The following HMGCS2 variants were observed in gnomAD, a reference collection of about 807,000 sequenced individuals.
The protein encoded by HMGCS2 is 3-hydroxy-3-methylglutaryl-CoA synthase 2.
Under a neutral mutation model 57.4 loss-of-function variants are expected in HMGCS2, and 50 were observed. The observed-to-expected ratio is 0.87, with a 90% CI of 0.69 to 1.10. The LOEUF (loss-of-function observed/expected upper bound fraction) is 1.10, where lower values mean the gene tolerates loss of function less well. HMGCS2 is among the 50% of genes least tolerant of loss of function. The probability of loss-of-function intolerance (pLI) is 0.00; values close to 1 mark genes in which losing one functional copy is unlikely to be tolerated. For synonymous variants in HMGCS2, 254 were observed against 245.1 expected, an observed-to-expected ratio of 1.04 and a Z score of -0.34; for missense variants, 627 against 636.5, an observed-to-expected ratio of 0.99 and a Z score of 0.16.
At chr1:119,762,402 G>A (rs1285885305) in intron 2 of HMGCS2, among the ~76,000 whole-genome samples, 3 of 151,862 alleles carry the variant, frequency 2.0e-5, no homozygotes, top group Non-Finnish European at 4.4e-5. Flanking sequence ...ATACTTTTGT[G>A]TATGTGTATG....
chr1:119,757,540 G>A, intron 4 of HMGCS2, 102 bp from the exon 5 acceptor site: 3 of 1,584,524 alleles, frequency 1.9e-6, no homozygotes, highest in Admixed American at 1.8e-5. Context: ...GGCCTCCCAG[G>A]GAACTACTTC....
chr1:119,756,081 T>C (rs1652830775), intron 5 of HMGCS2, among the ~76,000 whole-genome samples: 1 of 152,060 alleles, frequency 6.6e-6, no homozygotes, highest in Non-Finnish European at 1.5e-5. Context: ...AGCCCAAAGT[T>C]TGCACATCTT....
intron 1 of HMGCS2, among the ~76,000 whole-genome samples, chr1:119,768,207 GAA>G (rs2101282072): frequency 6.6e-6 from 1 of 152,298 alleles, no homozygotes; most frequent in Non-Finnish European, 1.5e-5. Context: ...TATTTACAAA[GAA>G]AAGGAGTGTG....
chr1:119,759,860 A>AT lies in HMGCS2; in HGVS notation c.685+3_685+4insA. 6.2e-7 allele frequency: 1 copy of AT among 1,614,064 alleles called. No individual in the cohort carries two copies. On this transcript the variant is annotated splice_donor_region_variant and intron_variant, in intron 3 of 9. Coordinates refer to ENST00000369406, the MANE Select transcript of HMGCS2 (RefSeq NM_005518.4). Reference sequence around the variant, plus strand: ...CAGCCTCTTGGTAATGGATTACTACAAACCTCGCTCCAGGGCCAGAGGGGC... The same window carrying AT: ...CAGCCTCTTGGTAATGGATTACTACATAACCTCGCTCCAGGGCCAGAGGGGC...
chr1:119,762,668 C>T (rs1397750155), intron 2 of HMGCS2, among the ~76,000 whole-genome samples: 6 of 152,212 alleles, frequency 3.9e-5, no homozygotes, highest in African/African-American at 1.2e-4. Flanking sequence ...TGGTTACTGT[C>T]ACCTGCAGGG....
At chr1:119,761,783 A>T (rs1463647010) in intron 2 of HMGCS2, among the ~76,000 whole-genome samples, 5 of 152,084 alleles carry the variant, frequency 3.3e-5, no homozygotes, top group Middle Eastern at 3.2e-3. Context: ...AATAAATAAA[A>T]AATAAAAAAA....
At chr1:119,749,100 C>T (rs764168259) in intron 9 of HMGCS2, among the ~76,000 whole-genome samples, 7 of 152,176 alleles carry the variant, frequency 4.6e-5, no homozygotes, top group Non-Finnish European at 2.9e-5. Flanking sequence ...CAGGCTAGGG[C>T]GCTGCAGAGA....
Position 119,759,923 on chromosome 1 carries a change from C to T in HMGCS2, c.626G>A (p.Gly209Asp). The T allele has an allele frequency of 2.5e-6, 4 of 1,614,188 alleles. No homozygotes were observed. Among genetic ancestry groups the T allele is most frequent in the Non-Finnish European group, 3.4e-6 (4 of 1,180,006 alleles). Reference protein sequence around the residue: ...VYPSGNARPTGGAGAVAMLIG... With the variant: ...VYPSGNARPTDGAGAVAMLIG... Reference sequence around the variant, plus strand: ...CAGCATAGCCACAGCTCCGGCCCCACCTGTGGGACGAGCATTACCACTGGG... The same window carrying T: ...CAGCATAGCCACAGCTCCGGCCCCATCTGTGGGACGAGCATTACCACTGGG... The change falls in exon 3 of 10, where the codon GGT (glycine) becomes GAT (aspartate). Residue 209 changes from glycine (G) to aspartate (D), a missense_variant. By Grantham distance (94) the Gly-to-Asp change is moderately conservative (BLOSUM62 -1). Coordinates refer to ENST00000369406, the MANE Select transcript of HMGCS2 (RefSeq NM_005518.4).
chr1:119,759,804 T>C, intron 3 of HMGCS2, 60 bp downstream of exon 3: 3 of 1,603,698 alleles, frequency 1.9e-6, no homozygotes, highest in Admixed American at 3.3e-5. Context: ...CAATGTGGGA[T>C]TAGGATCTAT....
chr1:119,750,346 C>T (rs1571028584), intron 9 of HMGCS2, among the ~76,000 whole-genome samples: 1 of 152,216 alleles, frequency 6.6e-6, no homozygotes, highest in Non-Finnish European at 1.5e-5. Flanking sequence ...AGGTTCACAG[C>T]CTGTTCACTC....
chr1:119,752,318 A>G (rs1571030298), intron 8 of HMGCS2, among the ~76,000 whole-genome samples: 1 of 152,254 alleles, frequency 6.6e-6, no homozygotes, highest in Non-Finnish European at 1.5e-5. Flanking sequence ...GTGTTTAGCT[A>G]TATTCTATAC....
At chr1:119,768,699 A>C (rs1310023436) in intron 1 of HMGCS2, 42 bp downstream of exon 1, 1 of 1,428,620 alleles carries the variant, frequency 7.0e-7, no homozygotes, top group East Asian at 2.3e-5. Context: ...GGGAAAAACT[A>C]TCTTTTACTA....
rs755645147 is a variant in HMGCS2 at position 119,759,295 on chromosome 1, A to G, written c.686-13T>C. ...GTTCCCCTCAGCCCTGGAAAGGCAC[A>G]CAAAGTGTTTCAGAGACTACACAAT... On this transcript the variant is annotated splice_polypyrimidine_tract_variant and intron_variant, in intron 3 of 9. Coordinates refer to ENST00000369406, the MANE Select transcript of HMGCS2 (RefSeq NM_005518.4). The G allele has an allele frequency of 3.1e-6, 5 of 1,613,292 alleles. No individual in the cohort carries two copies. The highest frequency in any genetic ancestry group is 3.4e-6 in the Non-Finnish European group (4 of 1,179,646).
At chr1:119,767,753 G>C (rs1653283523) in intron 1 of HMGCS2, among the ~76,000 whole-genome samples, 1 of 152,224 alleles carries the variant, frequency 6.6e-6, no homozygotes, top group Non-Finnish European at 1.5e-5. Context: ...TCTTTTGGCT[G>C]ATGGCCAACT....
At chr1:119,754,540 A>G (rs17186233) in intron 6 of HMGCS2, among the ~76,000 whole-genome samples, 16,783 of 152,178 alleles carry the variant, frequency 0.11, 957 homozygotes, top group Middle Eastern at 0.15. Context: ...TAAAACCCAC[A>G]AAACAGAAAA....
intron 2 of HMGCS2, among the ~76,000 whole-genome samples, chr1:119,762,463 A>G (rs867588549): frequency 2.6e-5 from 4 of 151,884 alleles, no homozygotes; most frequent in Non-Finnish European, 5.9e-5. Context: ...AAAAAAACAC[A>G]AGAAAACATG....
rs587707610 is a variant in HMGCS2, at chr1:119,750,314, G to T, written c.*5+483C>A. ...CAGATCTGTTGATCTCATCCCCCTG[G>T]AGTAATGATTTCTATAGGTTCAGGT... On this transcript the variant is annotated intron_variant, in intron 9 of 9. Coordinates refer to ENST00000369406, the MANE Select transcript of HMGCS2 (RefSeq NM_005518.4). Among the ~76,000 whole-genome samples, 111 of 152,254 alleles carry T rather than the reference G, an allele frequency of 7.3e-4. No homozygotes were observed. The Middle Eastern group carries it at 0.01, about 14-fold the overall frequency.
chr1:119,753,015 A>C (rs1652713985), intron 7 of HMGCS2, among the ~76,000 whole-genome samples: 2 of 152,184 alleles, frequency 1.3e-5, no homozygotes, highest in Non-Finnish European at 2.9e-5. Context: ...TCTTGCCTGA[A>C]CTAGTTACTG....
At chr1:119,756,142 T>C (rs1451004511) in intron 5 of HMGCS2, among the ~76,000 whole-genome samples, 1 of 152,182 alleles carries the variant, frequency 6.6e-6, no homozygotes, top group East Asian at 1.9e-4. Context: ...ACCTGATCCA[T>C]TTACGCATCC....
Sources: allele counts gnomAD v4.1 joint callset (sites outside exome capture counted in the v4.1 genomes callset), GRCh38; gene constraint gnomAD v4.1.1; transcripts MANE v1.5; gene names NCBI Gene and HGNC (gene_info 2026-07-23, HGNC 2026-07-21).